The following KCMF1 variants were observed in gnomAD, a reference collection of about 807,000 sequenced individuals.
KCMF1 encodes E3 ubiquitin-protein ligase KCMF1.
In KCMF1, 3 loss-of-function variants were observed where a neutral mutation model predicts 41.1. The ratio of observed to expected loss-of-function variants is 0.07; its 90% confidence interval spans 0.03 to 0.19. The LOEUF (loss-of-function observed/expected upper bound fraction) is 0.19, where lower values mean the gene tolerates loss of function less well. Among genes scored for constraint, KCMF1 ranks in the 10% least tolerant of loss-of-function variants. KCMF1 has a pLI of 1.00. For missense variants in KCMF1, 286 were observed against 488.9 expected (o/e 0.58, Z 3.91); for synonymous variants, 142 against 164.5 (o/e 0.86, Z 1.04).
intron 1 of KCMF1, among the ~76,000 whole-genome samples, chr2:84,972,783 T>C (rs956020398): frequency 6.6e-6 from 1 of 152,248 alleles, no homozygotes; most frequent in Non-Finnish European, 1.5e-5. Flanking sequence ...TGACTCAACA[T>C]TCTGTGTTCA....
intron 1 of KCMF1, among the ~76,000 whole-genome samples, chr2:85,007,139 T>C (rs1674493311): frequency 6.8e-6 from 1 of 147,130 alleles, no homozygotes; most frequent in African/African-American, 2.5e-5. Context: ...GAACATCTCA[T>C]CCACATGTCC....
chr2:85,019,032 C>T (rs1274424981), intron 1 of KCMF1, among the ~76,000 whole-genome samples: 1 of 152,020 alleles, frequency 6.6e-6, no homozygotes, highest in Admixed American at 6.6e-5. Context: ...CCACCACGCC[C>T]AGCCAGAACT....
chr2:85,016,046 C>T (rs1674760501), intron 1 of KCMF1, among the ~76,000 whole-genome samples: 1 of 152,118 alleles, frequency 6.6e-6, no homozygotes, highest in South Asian at 2.1e-4. Flanking sequence ...GTAGAAAAGC[C>T]GATTTCCAGT....
chr2:85,049,239 T>A, intron 5 of KCMF1, 127 bp from the exon 6 acceptor site: 2 of 890,760 alleles, frequency 2.2e-6, no homozygotes, highest in Non-Finnish European at 3.5e-6. Context: ...GCTCTTAAAC[T>A]GTGTGCTGTG....
chr2:84,984,803 C>T (rs1482729052), intron 1 of KCMF1, among the ~76,000 whole-genome samples: 1 of 152,056 alleles, frequency 6.6e-6, no homozygotes, highest in East Asian at 1.9e-4. Flanking sequence ...CCAGCCTGGG[C>T]AGCAAGTAAA....
chr2:84,971,344 C>G lies in KCMF1; in HGVS notation c.-108C>G. 1.6e-6 allele frequency: 1 copy of G among 613,230 alleles called. No individual in the cohort carries two copies. Among genetic ancestry groups the G allele is most frequent in the Non-Finnish European group, 2.1e-6 (1 of 481,290 alleles). 38.0% of individuals were successfully genotyped at this position (613,230 alleles called of 1,614,324 possible). ...CCCACCCCGCCCCCGCGGCCGAGCCCGGGAGTCGAGTGGGAGTCGGCCGGC... is the reference window on the plus strand; with the variant it reads ...CCCACCCCGCCCCCGCGGCCGAGCCGGGGAGTCGAGTGGGAGTCGGCCGGC... On this transcript the variant is annotated 5_prime_UTR_variant, in exon 1 of 7. Coordinates refer to ENST00000409785, the MANE Select transcript of KCMF1 (RefSeq NM_020122.5).
chr2:84,978,455 A>G (rs1673609266), intron 1 of KCMF1, among the ~76,000 whole-genome samples: 1 of 147,574 alleles, frequency 6.8e-6, no homozygotes, highest in Non-Finnish European at 1.5e-5. Flanking sequence ...ACTTTATGAT[A>G]TCTATCATAT....
chr2:85,028,580 C>A (rs550448606), intron 2 of KCMF1, among the ~76,000 whole-genome samples: 3 of 151,032 alleles, frequency 2.0e-5, no homozygotes, highest in South Asian at 2.1e-4. Context: ...ACCTCCACCC[C>A]CCAGGTTCAA....
At chr2:84,982,389 CTTTTTTTTT>C (rs34687477) in intron 1 of KCMF1, among the ~76,000 whole-genome samples, 198 of 47,240 alleles carry the variant, frequency 4.2e-3, no homozygotes, top group African/African-American at 0.013. Flanking sequence ...TCCTTATTTT[CTTTTTTTTT>C]TTTTTTTTTT....
At chr2:84,982,141 CATTT>C (rs1000723197) in intron 1 of KCMF1, among the ~76,000 whole-genome samples, 1 of 152,054 alleles carries the variant, frequency 6.6e-6, no homozygotes, top group African/African-American at 2.4e-5. Flanking sequence ...AGGGATTAAA[CATTT>C]ATTTTTGTGT....
rs1213579386 is a variant in KCMF1 at position 85,043,613 on chromosome 2, C to T, written c.374C>T (p.Thr125Met). Residue 125 changes from threonine (T) to methionine (M), a missense_variant, in exon 4 of 7, where the codon ACG (threonine) becomes ATG (methionine). Thr to Met is a moderately conservative substitution (Grantham distance 81). This residue lies in a region of KCMF1 where 95 missense variants were observed against 209.6 expected (regional missense o/e 0.45). Coordinates refer to ENST00000409785, the MANE Select transcript of KCMF1 (RefSeq NM_020122.5). Reference sequence around the variant, plus strand: ...CCTGGAGGCGATCCTAATCATGTCACGGATGACTTTGCAGCTCATCTTACA... The same window carrying T: ...CCTGGAGGCGATCCTAATCATGTCATGGATGACTTTGCAGCTCATCTTACA... ...ALPGGDPNHVTDDFAAHLTLE... is the reference protein window; with the variant it reads ...ALPGGDPNHVMDDFAAHLTLE... 6.2e-6 allele frequency: 10 copies of T among 1,613,230 alleles called. No homozygotes were observed. The highest frequency in any genetic ancestry group is 1.3e-5 in the African/African-American group (1 of 75,054).
chr2:85,058,247 G>GT lies in KCMF1; in HGVS notation c.*4839dup, dbSNP rs1675980052. On this transcript the variant is annotated 3_prime_UTR_variant, in exon 7 of 7. Transcript: ENST00000409785. ...AAAATACGAAAATTAGCTGGGCTTGGTGGCAGATGCCTGTAATTCCTGCTA... is the reference window on the plus strand; with the variant it reads ...AAAATACGAAAATTAGCTGGGCTTGGTTGGCAGATGCCTGTAATTCCTGCTA... 6.6e-6 allele frequency: 1 copy of GT among 152,240 alleles called. No homozygotes were observed. Among genetic ancestry groups the GT allele is most frequent in the African/African-American group, 2.4e-5 (1 of 41,438 alleles). 9.4% of individuals were successfully genotyped at this position (152,240 alleles called of 1,614,324 possible). A position where few individuals can be genotyped will look rare whatever the true frequency, so the allele number is the denominator to read the frequency against.
At chr2:84,988,089 G>A (rs774246072) in intron 1 of KCMF1, among the ~76,000 whole-genome samples, 6 of 152,030 alleles carry the variant, frequency 3.9e-5, no homozygotes, top group African/African-American at 1.2e-4. Flanking sequence ...AAAATTAGGC[G>A]GGTGTGATGG....
At chr2:85,009,600 G>A (rs541058070) in intron 1 of KCMF1, among the ~76,000 whole-genome samples, 2 of 152,090 alleles carry the variant, frequency 1.3e-5, no homozygotes, top group Non-Finnish European at 2.9e-5. Flanking sequence ...GGATATTGAA[G>A]CTTCTAGAGT....
chr2:85,030,652 G>C (rs1675245439), intron 2 of KCMF1, among the ~76,000 whole-genome samples: 1 of 152,020 alleles, frequency 6.6e-6, no homozygotes, highest in Non-Finnish European at 1.5e-5. Context: ...ATAAATGAGG[G>C]TTTATTTCTA....
chr2:84,994,462 G>T (rs1674129992), intron 1 of KCMF1, among the ~76,000 whole-genome samples: 1 of 151,834 alleles, frequency 6.6e-6, no homozygotes, highest in South Asian at 2.1e-4. Context: ...GGAGTGCAAT[G>T]GCGTGATCTC....
At chr2:85,053,077 C>A in intron 6 of KCMF1, 71 bp from the exon 7 acceptor site, 1 of 1,385,864 alleles carries the variant, frequency 7.2e-7, no homozygotes, top group Non-Finnish European at 9.8e-7. Context: ...GTGGAGAGCA[C>A]TGTAGAAATT....
intron 1 of KCMF1, among the ~76,000 whole-genome samples, chr2:84,999,009 CCCACCCACCCATCCATCCAT>C (rs1412557380): frequency 1.0e-5 from 1 of 99,524 alleles, no homozygotes; most frequent in Non-Finnish European, 2.0e-5. Flanking sequence ...CACCCACCCA[CCCACCCACCCATCCATCCAT>C]CCACCCACCC....
At chr2:84,983,349 C>G (rs527650216) in intron 1 of KCMF1, among the ~76,000 whole-genome samples, 4 of 151,760 alleles carry the variant, frequency 2.6e-5, no homozygotes, top group Non-Finnish European at 5.9e-5. Flanking sequence ...TTTTAAGAGA[C>G]AGAGTCTCAC....
Sources: gnomAD v4.1 joint callset for allele counts (sites outside exome capture counted in the v4.1 genomes callset) on GRCh38, gnomAD v4.1.1 for gene constraint, gnomAD v4.1.1 regional missense constraint, MANE v1.5 for transcripts, NCBI Gene and HGNC (gene_info 2026-07-23, HGNC 2026-07-21) for gene names.